Variants in SLC25A10 observed in about 807,000 individuals in gnomAD.
The protein encoded by SLC25A10 is mitochondrial dicarboxylate carrier.
Under a neutral mutation model 40.4 loss-of-function variants are expected in SLC25A10, and 32 were observed. The observed-to-expected ratio is 0.79, with a 90% CI of 0.60 to 1.06. The LOEUF is 1.06. SLC25A10 is among the 50% of genes least tolerant of loss of function. The pLI is 0.00. For missense variants in SLC25A10, 394 were observed against 402.6 expected (o/e 0.98, Z 0.18); for synonymous variants, 181 against 171.1 (o/e 1.06, Z -0.45).
intron 9 of SLC25A10, among the ~76,000 whole-genome samples, chr17:81,719,504 C>A (rs893687731): frequency 1.3e-5 from 2 of 152,216 alleles, no homozygotes; most frequent in Non-Finnish European, 2.9e-5. Flanking sequence ...TAGCTCTGTC[C>A]CTTTTCTTCT....
intron 2 of SLC25A10, 113 bp from the exon 3 acceptor site, chr17:81,715,365 C>T (rs1021728444): frequency 1.0e-6 from 1 of 965,564 alleles, no homozygotes; most frequent in Non-Finnish European, 1.6e-6. Flanking sequence ...TGGGAAGGCC[C>T]CTCAGGGTCC....
rs1598213441 is a variant in SLC25A10, at chr17:81,717,167, C to T, written c.534+95C>T. On this transcript the variant is annotated intron_variant, in intron 7 of 10. Transcript: ENST00000350690. ...TAGAACAAGGCACTGGGCGCCAAAA[C>T]CCTCCTGGGGAGCCACCAGCTGTGA... is the stretch of plus-strand genomic sequence containing the variant. The T allele has an allele frequency of 5.6e-6, 8 of 1,419,022 alleles. No homozygotes were observed. In the East Asian group the frequency reaches 1.2e-4, roughly 21 times the overall value. The allele number at this position is 1,419,022 out of a possible 1,614,324, so 87.9% of individuals were successfully genotyped here. A position where few individuals can be genotyped will look rare whatever the true frequency, so the allele number is the denominator to read the frequency against.
At position 81,716,064 on chromosome 17, in the gene SLC25A10, G is replaced by T; in HGVS notation, c.419+14G>T. 2 of 1,590,702 alleles carry T rather than the reference G, an allele frequency of 1.3e-6. No homozygotes were observed. Among genetic ancestry groups the T allele is most frequent in the South Asian group, 1.1e-5 (1 of 88,144 alleles). ...TCAGCGGCGCAAGTGAGTCATGGGC[G>T]GCCTTCTCGGGGTGGTTGAGGTGCA... On this transcript the variant is annotated intron_variant, in intron 5 of 10. Coordinates refer to ENST00000350690, the MANE Select transcript of SLC25A10 (RefSeq NM_012140.5).
chr17:81,712,388 T>C lies in SLC25A10; in HGVS notation c.-39T>C. On this transcript the variant is annotated 5_prime_UTR_variant, in exon 1 of 11. Coordinates refer to ENST00000350690, the MANE Select transcript of SLC25A10 (RefSeq NM_012140.5). ...GGTACACGCCGGGGTAGGGCCGGGG[T>C]CGGGTTGTGGTCGGGCCGGGATTGG... 8.3e-7 allele frequency: 1 copy of C among 1,203,716 alleles called. No individual in the cohort carries two copies. Among genetic ancestry groups the C allele is most frequent in the Non-Finnish European group, 1.0e-6 (1 of 960,526 alleles). The allele number at this position is 1,203,716 out of a possible 1,614,324, so 74.6% of individuals were successfully genotyped here. A position where few individuals can be genotyped will look rare whatever the true frequency, so the allele number is the denominator to read the frequency against.
In SLC25A10 at chr17:81,715,022, G is replaced by A. The variant is rs745581573; in HGVS notation, c.163G>A (p.Asp55Asn). 14 of 1,609,968 alleles carry A rather than the reference G, an allele frequency of 8.7e-6. No individual in the cohort carries two copies. Among genetic ancestry groups the A allele is most frequent in the Admixed American group, 8.3e-5 (5 of 59,986 alleles). ...CATGGCGCTGCGGGTGGTGCGTACC[G>A]ACGGCATCCTGGCACTCTACAGCGG... ...TGMALRVVRT[D>N]GILALYSGLS... Residue 55 changes from aspartate to asparagine, a missense_variant, in exon 2 of 11, where the codon GAC (aspartate) becomes AAC (asparagine). Physicochemically the swap from Asp to Asn is conservative, Grantham distance 23 (BLOSUM62 1). Transcript: ENST00000350690.
chr17:81,715,624 G>A lies in SLC25A10; in HGVS notation c.328+32G>A, dbSNP rs201462477. 282 of 1,611,644 alleles carry A rather than the reference G, an allele frequency of 1.7e-4. 1 individual carries two copies. Among genetic ancestry groups the A allele is most frequent in the African/African-American group, 9.2e-4 (69 of 75,000 alleles). On this transcript the variant is annotated intron_variant, in intron 3 of 10. Transcript: ENST00000350690. ...TGCCGGGCGGGAGGGGGAGGGGCGC[G>A]GGGTGGTCAGGTCGGCCGAGGACGC...
At chr17:81,717,158 G>C in intron 7 of SLC25A10, 86 bp downstream of exon 7, 1 of 1,480,620 alleles carries the variant, frequency 6.8e-7, no homozygotes, top group Non-Finnish European at 9.4e-7. Context: ...AAGGCACTGG[G>C]CGCCAAAACC....
chr17:81,720,115 G>A lies in SLC25A10; in HGVS notation c.*38G>A, dbSNP rs192259067. 11,010 of 1,608,912 alleles carry A rather than the reference G, an allele frequency of 6.8e-3. 50 individuals are homozygous for A. The highest frequency in any genetic ancestry group is 8.4e-3 in the Non-Finnish European group (9,964 of 1,179,636). On this transcript the variant is annotated 3_prime_UTR_variant, in exon 11 of 11. Transcript: ENST00000350690. ...ATGGCTGGGCTGCCAGGCCAGACAC[G>A]CTAGGTTCTTCCAAAGAGTCCCAAG...
Position 81,712,389 on chromosome 17 carries a change from C to A in SLC25A10, c.-38C>A. Reference sequence around the variant, plus strand: ...GTACACGCCGGGGTAGGGCCGGGGTCGGGTTGTGGTCGGGCCGGGATTGGG... The same window carrying A: ...GTACACGCCGGGGTAGGGCCGGGGTAGGGTTGTGGTCGGGCCGGGATTGGG... On this transcript the variant is annotated 5_prime_UTR_variant, in exon 1 of 11. Coordinates refer to ENST00000350690, the MANE Select transcript of SLC25A10 (RefSeq NM_012140.5). 1 of 1,214,386 alleles carries A rather than the reference C, an allele frequency of 8.2e-7. No individual in the cohort carries two copies. The highest frequency in any genetic ancestry group is 1.0e-6 in the Non-Finnish European group (1 of 966,360). 75.2% of individuals were successfully genotyped at this position (1,214,386 alleles called of 1,614,324 possible). A position where few individuals can be genotyped will look rare whatever the true frequency, so the allele number is the denominator to read the frequency against.
rs895516680 is a variant in SLC25A10, at chr17:81,715,760, C to T, written c.377+19C>T. On this transcript the variant is annotated intron_variant, in intron 4 of 10. Coordinates refer to ENST00000350690, the MANE Select transcript of SLC25A10 (RefSeq NM_012140.5). Reference sequence around the variant, plus strand: ...ACGTCAGGTTGGTGTTCCCCCACCCCACCTGCAAGGCCAGGGGCTTTCTTG... The same window carrying T: ...ACGTCAGGTTGGTGTTCCCCCACCCTACCTGCAAGGCCAGGGGCTTTCTTG... 1 of 1,613,004 alleles carries T rather than the reference C, an allele frequency of 6.2e-7. No homozygotes were observed. Among genetic ancestry groups the T allele is most frequent in the East Asian group, 2.2e-5 (1 of 44,864 alleles).
At chr17:81,712,975 C>T (rs1006976324) in intron 1 of SLC25A10, among the ~76,000 whole-genome samples, 1 of 152,194 alleles carries the variant, frequency 6.6e-6, no homozygotes, top group African/African-American at 2.4e-5. Context: ...CCAAGCCGCC[C>T]CCCACCCAGG....
rs748851303 is a variant in SLC25A10 at position 81,717,870 on chromosome 17, G to A, written c.705+9G>A. 1.3e-6 allele frequency: 2 copies of A among 1,599,944 alleles called. No individual in the cohort carries two copies. Among genetic ancestry groups the A allele is most frequent in the African/African-American group, 1.3e-5 (1 of 74,526 alleles). Reference sequence around the variant, plus strand: ...CCAAGGGGGAGTATCAGGTGAGTGGGGCCCTGCCTGTGCAGTTGGGCTGCA... The same window carrying A: ...CCAAGGGGGAGTATCAGGTGAGTGGAGCCCTGCCTGTGCAGTTGGGCTGCA... On this transcript the variant is annotated intron_variant, in intron 9 of 10. Coordinates refer to ENST00000350690, the MANE Select transcript of SLC25A10 (RefSeq NM_012140.5).
chr17:81,714,925 TG>T (rs1252473345), intron 1 of SLC25A10, 27 bp from the exon 2 acceptor site: 1 of 1,603,442 alleles, frequency 6.2e-7, no homozygotes. Flanking sequence ...GGGGTCGCTG[TG>T]GGGTCTGAGA....
intron 9 of SLC25A10, among the ~76,000 whole-genome samples, chr17:81,718,299 C>T (rs1381926631): frequency 6.6e-6 from 1 of 152,162 alleles, no homozygotes; most frequent in Non-Finnish European, 1.5e-5. Flanking sequence ...GCCTGGCCAA[C>T]ATGGTGAAAC....
At chr17:81,716,167 C>T in intron 5 of SLC25A10, 117 bp downstream of exon 5, 10 of 1,152,268 alleles carry the variant, frequency 8.7e-6, no homozygotes, top group South Asian at 2.7e-5. Context: ...GGTGCCTGCA[C>T]GGTCCATGGA....
In SLC25A10 at chr17:81,712,648, G is replaced by A. The variant is rs560574441; in HGVS notation, c.93+129G>A. On this transcript the variant is annotated intron_variant, in intron 1 of 10. Coordinates refer to ENST00000350690, the MANE Select transcript of SLC25A10 (RefSeq NM_012140.5). ...GGGGCTCCCTCCTGGAGAGCGCGAG[G>A]AGGCCCCCGACGCCCGGATGGCCGA... 4.6e-4 allele frequency: 299 copies of A among 643,704 alleles called. No homozygotes were observed. The African/African-American group carries it at 5.5e-3, about 12-fold the overall frequency. 39.9% of individuals were successfully genotyped at this position (643,704 alleles called of 1,614,324 possible).
At chr17:81,716,145 C>T in intron 5 of SLC25A10, 95 bp downstream of exon 5, 1 of 1,391,258 alleles carries the variant, frequency 7.2e-7, no homozygotes, top group Non-Finnish European at 9.9e-7. Flanking sequence ...AGCTGAGGCT[C>T]CAGCAGGCCG....
rs780140296 is a variant in SLC25A10 at position 81,716,821 on chromosome 17, T to C, written c.429T>C (p.His143=). The change falls in exon 6 of 11, where the codon CAT becomes CAC. Residue 143 remains histidine, a synonymous_variant. Coordinates refer to ENST00000350690, the MANE Select transcript of SLC25A10 (RefSeq NM_012140.5). ...LPQGQRRNYA[H]ALDGLYRVAR... ...TCTGTGTCCCCGGCAGCTACGCCCATGCGCTGGATGGCCTGTACCGCGTAG... is the reference window on the plus strand; with the variant it reads ...TCTGTGTCCCCGGCAGCTACGCCCACGCGCTGGATGGCCTGTACCGCGTAG... 1 of 1,609,264 alleles carries C rather than the reference T, an allele frequency of 6.2e-7. No homozygotes were observed. The highest frequency in any genetic ancestry group is 1.1e-5 in the South Asian group (1 of 90,090).
chr17:81,713,383 G>A lies in SLC25A10; in HGVS notation c.93+864G>A, dbSNP rs548079081. On this transcript the variant is annotated intron_variant, in intron 1 of 10. Transcript: ENST00000350690. Reference sequence around the variant, plus strand: ...CCCTGTGAACCTGGCTGTGGTCACTGGGCAGCCGCCTGTCTAGGGGACCTT... The same window carrying A: ...CCCTGTGAACCTGGCTGTGGTCACTAGGCAGCCGCCTGTCTAGGGGACCTT... 7 of 936,872 alleles carry A rather than the reference G, an allele frequency of 7.5e-6. No homozygotes were observed. The South Asian group carries it at 3.5e-4, about 46-fold the overall frequency. The allele number at this position is 936,872 out of a possible 1,614,324, so 58.0% of individuals were successfully genotyped here.
Sources: allele counts gnomAD v4.1 joint callset (sites outside exome capture counted in the v4.1 genomes callset), GRCh38; gene constraint gnomAD v4.1.1; transcripts MANE v1.5; gene names NCBI Gene and HGNC (gene_info 2026-07-23, HGNC 2026-07-21).